Variants in N4BP2L2 observed in about 807,000 individuals in gnomAD.
N4BP2L2 encodes the protein NEDD4-binding protein 2-like 2.
Under a neutral mutation model 56.2 loss-of-function variants are expected in N4BP2L2, and 50 were observed. That is an observed-to-expected ratio of 0.89 (90% CI 0.71 to 1.13). The LOEUF is 1.13. Ranked by LOEUF, N4BP2L2 falls within the 50% of genes most tolerant of loss-of-function variation. N4BP2L2 has a pLI of 0.00. For synonymous variants in N4BP2L2, 203 were observed against 223.6 expected, an observed-to-expected ratio of 0.91 and a Z score of 0.82; for missense variants, 689 against 693.8, an observed-to-expected ratio of 0.99 and a Z score of 0.08.
At chr13:32,443,417 C>G (rs776769396) in exon 7 of N4BP2L2, 2 of 1,613,984 alleles carry the variant, frequency 1.2e-6, no homozygotes. Flanking sequence ...AGCTGTAAAT[C>G]TTCATCAGAT....
intron 3 of N4BP2L2, among the ~76,000 whole-genome samples, chr13:32,526,592 T>C (rs551134511): frequency 1.3e-5 from 2 of 152,254 alleles, no homozygotes; most frequent in African/African-American, 2.4e-5. Flanking sequence ...CTTTAATCTG[T>C]TTAAAATTTT....
chr13:32,498,030 G>A (rs1179488968), intron 6 of N4BP2L2, among the ~76,000 whole-genome samples: 2 of 152,072 alleles, frequency 1.3e-5, no homozygotes, highest in Non-Finnish European at 2.9e-5. Context: ...CTGTCACCTG[G>A]GCTGGAGTGC....
chr13:32,449,774 A>G (rs2077608259), intron 6 of N4BP2L2, among the ~76,000 whole-genome samples: 1 of 152,220 alleles, frequency 6.6e-6, no homozygotes, highest in African/African-American at 2.4e-5. Context: ...TGAGACTCCC[A>G]CGATGCAATT....
At chr13:32,499,449 GA>G (rs908506751) in intron 6 of N4BP2L2, among the ~76,000 whole-genome samples, 4 of 150,278 alleles carry the variant, frequency 2.7e-5, no homozygotes, top group African/African-American at 7.3e-5. Flanking sequence ...AAACTTAAGG[GA>G]AAAAAAAAGC....
At chr13:32,496,205 A>ATTT (rs71071047) in intron 6 of N4BP2L2, among the ~76,000 whole-genome samples, 1 of 147,864 alleles carries the variant, frequency 6.8e-6, no homozygotes, top group Non-Finnish European at 1.5e-5. Context: ...CCTATTTTTT[A>ATTT]TTTTTTTTTT....
chr13:32,482,512 T>C (rs2084963827), intron 6 of N4BP2L2, among the ~76,000 whole-genome samples: 1 of 121,098 alleles, frequency 8.3e-6, no homozygotes, highest in Non-Finnish European at 1.7e-5. Flanking sequence ...AATGACCAGC[T>C]AATTTTTTTT....
At chr13:32,533,920 A>C (rs2055762565) in intron 2 of N4BP2L2, among the ~76,000 whole-genome samples, 1 of 152,228 alleles carries the variant, frequency 6.6e-6, no homozygotes, top group Admixed American at 6.5e-5. Context: ...GTGTTGACCT[A>C]AAGAGGTACA....
At chr13:32,483,927 T>C (rs897328350) in intron 6 of N4BP2L2, among the ~76,000 whole-genome samples, 1 of 146,824 alleles carries the variant, frequency 6.8e-6, no homozygotes. Context: ...GAGGTTGCAG[T>C]GAGTCAAGAT....
intron 7 of N4BP2L2, chr13:32,438,864 G>A (rs1022476619): frequency 2.7e-5 from 17 of 637,618 alleles, no homozygotes; most frequent in South Asian, 5.9e-5. Flanking sequence ...AAGATATTTC[G>A]GTGATGTCTA....
intron 4 of N4BP2L2, 63 bp downstream of exon 4, chr13:32,522,119 T>C: frequency 8.8e-7 from 1 of 1,136,430 alleles, no homozygotes; most frequent in South Asian, 1.4e-5. Flanking sequence ...CCAGCCAAAA[T>C]TTTAGAATGT....
At chr13:32,504,760 T>A (rs558786977) in intron 6 of N4BP2L2, 1 of 152,314 alleles carries the variant, frequency 6.6e-6, no homozygotes, top group South Asian at 2.1e-4. Context: ...GGTACAGGCA[T>A]ACTCAAGGTT....
At chr13:32,495,548 G>A (rs2088375736) in intron 6 of N4BP2L2, among the ~76,000 whole-genome samples, 1 of 152,130 alleles carries the variant, frequency 6.6e-6, no homozygotes, top group Non-Finnish European at 1.5e-5. Context: ...AATGGGTCTG[G>A]AAAGTAACAG....
intron 6 of N4BP2L2, among the ~76,000 whole-genome samples, chr13:32,474,428 G>A (rs955994702): frequency 7.9e-5 from 12 of 151,876 alleles, no homozygotes; most frequent in African/African-American, 2.7e-4. Flanking sequence ...AGTGGCTCAC[G>A]CCTGTAATCC....
At chr13:32,501,382 G>A (rs533697329) in intron 6 of N4BP2L2, among the ~76,000 whole-genome samples, 2 of 151,368 alleles carry the variant, frequency 1.3e-5, no homozygotes, top group East Asian at 3.9e-4. Context: ...CGAGAGAGAG[G>A]AGAAAAAGAC....
chr13:32,436,493 C>T, intron 8 of N4BP2L2: 2 of 544,100 alleles, frequency 3.7e-6, no homozygotes, highest in Non-Finnish European at 6.3e-6. Context: ...TAGGGACACT[C>T]CTAAAATGAC....
chr13:32,434,358 A>G (rs1048317636), intron 9 of N4BP2L2, among the ~76,000 whole-genome samples: 12 of 148,932 alleles, frequency 8.1e-5, no homozygotes, highest in African/African-American at 3.0e-4. Flanking sequence ...TCAGCCTCCC[A>G]AAGTGCTAGG....
intron 3 of N4BP2L2, chr13:32,523,540 C>T (rs1216099677): frequency 1.4e-5 from 2 of 140,998 alleles, no homozygotes; most frequent in Non-Finnish European, 2.9e-5. Flanking sequence ...CAAAAATTAG[C>T]TAGGCATGGT....
At chr13:32,497,713 CA>C (rs1282750369) in intron 6 of N4BP2L2, among the ~76,000 whole-genome samples, 4 of 152,216 alleles carry the variant, frequency 2.6e-5, no homozygotes, top group Non-Finnish European at 5.9e-5. Context: ...GAGCCCCATA[CA>C]AATATTATGG....
chr13:32,502,477 A>G (rs1447293430), intron 6 of N4BP2L2, among the ~76,000 whole-genome samples: 1 of 152,178 alleles, frequency 6.6e-6, no homozygotes, highest in African/African-American at 2.4e-5. Flanking sequence ...AAAATCACAG[A>G]ATTCCACGGC....
Sources: gnomAD v4.1 joint callset for allele counts (sites outside exome capture counted in the v4.1 genomes callset) on GRCh38, gnomAD v4.1.1 for gene constraint, MANE v1.5 for transcripts, NCBI Gene and HGNC (gene_info 2026-07-23, HGNC 2026-07-21) for gene names.